Variants in SRPK2 observed in about 807,000 individuals in gnomAD.
SRPK2 encodes the protein SRSF protein kinase 2, also known as SFRS protein kinase 2.
In SRPK2, 21 loss-of-function variants were observed where a neutral mutation model predicts 90.8. The ratio of observed to expected loss-of-function variants is 0.23; its 90% CI spans 0.16 to 0.33. The LOEUF is 0.33. SRPK2 is among the 10% of genes least tolerant of loss of function. The probability of loss-of-function intolerance (pLI) is 1.00; values close to 1 mark genes in which losing one functional copy is unlikely to be tolerated. For synonymous variants in SRPK2, 288 were observed against 311.1 expected, an observed-to-expected ratio of 0.93 and a Z score of 0.78; for missense variants, 620 against 869.0, an observed-to-expected ratio of 0.71 and a Z score of 3.60.
At chr7:105,119,553 C>A (rs78211834) in intron 15 of SRPK2, among the ~76,000 whole-genome samples, 2,368 of 152,242 alleles carry the variant, frequency 0.016, 63 homozygotes, top group African/African-American at 0.052. Context: ...GTAAAATAAG[C>A]TTCTGTTTCC....
upstream of SRPK2, chr7:105,388,975 T>C (rs1822009615): frequency 5.3e-5 from 55 of 1,030,832 alleles, 1 homozygote; most frequent in South Asian, 2.1e-3. Context: ...CCCGCCCCCG[T>C]CCGGCCCCGC....
At chr7:105,301,720 T>A in intron 2 of SRPK2, 1 of 1,610,342 alleles carries the variant, frequency 6.2e-7, no homozygotes, top group Non-Finnish European at 8.5e-7. Flanking sequence ...GAACGCTTTT[T>A]TTTTAACAAC....
chr7:105,288,528 A>G (rs1808486460), intron 2 of SRPK2, among the ~76,000 whole-genome samples: 1 of 152,136 alleles, frequency 6.6e-6, no homozygotes, highest in South Asian at 2.1e-4. Context: ...CGGGAGGCGG[A>G]GGTTGCAGTG....
At chr7:105,329,745 G>A (rs2131666075) in intron 2 of SRPK2, among the ~76,000 whole-genome samples, 1 of 152,134 alleles carries the variant, frequency 6.6e-6, no homozygotes. Context: ...CGTGGCTTAA[G>A]AACACCCGGC....
At chr7:105,122,722 G>A (rs1028994360) in intron 15 of SRPK2, among the ~76,000 whole-genome samples, 2 of 152,070 alleles carry the variant, frequency 1.3e-5, no homozygotes, top group Non-Finnish European at 2.9e-5. Context: ...GGGAAACGTG[G>A]ATTTTATGCT....
intron 1 of SRPK2, among the ~76,000 whole-genome samples, chr7:105,395,945 C>T (rs1822309105): frequency 1.3e-5 from 2 of 151,964 alleles, no homozygotes; most frequent in Non-Finnish European, 2.9e-5. Context: ...GACACAGTTT[C>T]ACTCTTGTTG....
chr7:105,179,545 C>G (rs920425687), intron 3 of SRPK2, among the ~76,000 whole-genome samples: 2 of 152,024 alleles, frequency 1.3e-5, no homozygotes, highest in African/African-American at 2.4e-5. Flanking sequence ...AATTAAAAGA[C>G]CAGGGATGGT....
intron 8 of SRPK2, among the ~76,000 whole-genome samples, chr7:105,145,751 T>G (rs183876541): frequency 2.0e-5 from 3 of 152,222 alleles, no homozygotes; most frequent in African/African-American, 7.2e-5. Flanking sequence ...GCAGTTGGTA[T>G]GCAGCAAATA....
intron 2 of SRPK2, among the ~76,000 whole-genome samples, chr7:105,328,789 T>G (rs1397633279): frequency 6.8e-6 from 1 of 146,006 alleles, no homozygotes; most frequent in East Asian, 2.0e-4. Context: ...GGTGTGAACC[T>G]GGGAGGCAGA....
At chr7:105,177,613 G>C (rs972831275) in intron 3 of SRPK2, among the ~76,000 whole-genome samples, 3 of 152,130 alleles carry the variant, frequency 2.0e-5, no homozygotes, top group Non-Finnish European at 4.4e-5. Context: ...CTCTGAAGGA[G>C]GATGCTCATC....
chr7:105,396,385 C>T (rs1168645368), intron 1 of SRPK2, among the ~76,000 whole-genome samples: 2 of 151,716 alleles, frequency 1.3e-5, no homozygotes, highest in African/African-American at 4.8e-5. Flanking sequence ...TGCCTGTAAT[C>T]CCAGCACTTT....
intron 2 of SRPK2, among the ~76,000 whole-genome samples, chr7:105,243,603 T>G (rs1214580908): frequency 7.3e-6 from 1 of 137,212 alleles, no homozygotes; most frequent in Non-Finnish European, 1.5e-5. Context: ...TGCACTCCAG[T>G]CTGGGTAACA....
chr7:105,391,021 T>C (rs2132900627), upstream of SRPK2, among the ~76,000 whole-genome samples: 1 of 152,276 alleles, frequency 6.6e-6, no homozygotes, highest in Non-Finnish European at 1.5e-5. Context: ...ATTTAAGAAG[T>C]CTGTATGAAA....
At chr7:105,362,516 C>CAAAAAA (rs1204929885) in intron 2 of SRPK2, among the ~76,000 whole-genome samples, 1 of 58,044 alleles carries the variant, frequency 1.7e-5, no homozygotes, top group Non-Finnish European at 3.8e-5. Flanking sequence ...GACTCTGTCT[C>CAAAAAA]AAAAAAAAAA....
chr7:105,168,638 T>C (rs1354589900), intron 4 of SRPK2, among the ~76,000 whole-genome samples: 2 of 151,750 alleles, frequency 1.3e-5, no homozygotes, highest in Non-Finnish European at 2.9e-5. Context: ...AAAATAAGAC[T>C]AGATAAACAT....
intron 2 of SRPK2, among the ~76,000 whole-genome samples, chr7:105,213,314 G>A (rs1051691111): frequency 6.6e-6 from 1 of 152,184 alleles, no homozygotes; most frequent in Non-Finnish European, 1.5e-5. Flanking sequence ...ATACGGTAGG[G>A]ATTGCTTGAT....
In SRPK2 at chr7:105,146,798, C is replaced by T. The variant is rs1804690175; in HGVS notation, c.622-140G>A. 3 of 805,890 alleles carry T rather than the reference C, an allele frequency of 3.7e-6. No individual in the cohort carries two copies. In the South Asian group the frequency reaches 5.4e-5, roughly 14 times the overall value. 49.9% of individuals were successfully genotyped at this position (805,890 alleles called of 1,614,324 possible). A position where few individuals can be genotyped will look rare whatever the true frequency, so the allele number is the denominator to read the frequency against. On this transcript the variant is annotated intron_variant, in intron 7 of 15. Coordinates refer to ENST00000393651, the MANE Select transcript of SRPK2 (RefSeq NM_182692.3). ...AAGGATATTTAGTAAAAATCTCCCT[C>T]CCATGCCTACCCACATTGGAATCCA...
chr7:105,277,863 A>C (rs574172314), intron 2 of SRPK2, among the ~76,000 whole-genome samples: 2 of 152,246 alleles, frequency 1.3e-5, no homozygotes, highest in Admixed American at 6.5e-5. Context: ...TAAAATCTGC[A>C]AAGGATGAAA....
In SRPK2 at chr7:105,213,505, G is replaced by A. The variant is rs767469293; in HGVS notation, c.72-9720C>T. Among the ~76,000 whole-genome samples, 21 of 140,942 alleles carry A rather than the reference G, an allele frequency of 1.5e-4. No individual in the cohort carries two copies. The East Asian group carries it at 1.6e-3, about 10-fold the overall frequency. 92.5% of individuals were successfully genotyped at this position (140,942 alleles called of 152,430 possible). On this transcript the variant is annotated intron_variant, in intron 2 of 15. Coordinates refer to ENST00000393651, the MANE Select transcript of SRPK2 (RefSeq NM_182692.3). Reference sequence around the variant, plus strand: ...CAAGGGAAGAGCCCAGTTCAAAGCCGAAGAACAAAGTTAAACAAGCCACCA... The same window carrying A: ...CAAGGGAAGAGCCCAGTTCAAAGCCAAAGAACAAAGTTAAACAAGCCACCA...
Sources: allele counts gnomAD v4.1 joint callset (sites outside exome capture counted in the v4.1 genomes callset), GRCh38; gene constraint gnomAD v4.1.1; transcripts MANE v1.5; gene names NCBI Gene and HGNC (gene_info 2026-07-23, HGNC 2026-07-21).